L3MBTL4: variants seen among roughly 807,000 people sequenced by gnomAD.
The protein encoded by L3MBTL4 is L3MBTL histone methyl-lysine binding protein 4, also known as lethal(3)malignant brain tumor-like protein 4.
In L3MBTL4, 70 loss-of-function variants were observed where a neutral mutation model predicts 84.5. That is an observed-to-expected ratio of 0.83 (90% confidence interval 0.68 to 1.01). The LOEUF is 1.01. Among genes scored for constraint, L3MBTL4 ranks in the 50% least tolerant of loss-of-function variants. The probability of loss-of-function intolerance (pLI) is 0.00; values close to 1 mark genes in which losing one functional copy is unlikely to be tolerated. For synonymous variants in L3MBTL4, 274 were observed against 259.8 expected (o/e 1.05, Z -0.52); for missense variants, 715 against 754.8 (o/e 0.95, Z 0.62).
In L3MBTL4 at chr18:5,954,900, T is replaced by C. The variant is rs185920840; in HGVS notation, c.*1320A>G. 1 of 152,180 alleles carries C rather than the reference T, an allele frequency of 6.6e-6. No homozygotes were observed. The highest frequency in any genetic ancestry group is 1.5e-5 in the Non-Finnish European group (1 of 68,034). 9.4% of individuals were successfully genotyped at this position (152,180 alleles called of 1,614,324 possible). ...TAGGTAAAGATCTAAAGAAATGTTA[T>C]ATATGCACACCTCTTAGAGTTTGTT... On this transcript the variant is annotated 3_prime_UTR_variant, in exon 19 of 19. Coordinates refer to ENST00000317931, the MANE Select transcript of L3MBTL4 (RefSeq NM_001330559.2).
At chr18:6,351,035 T>A (rs894272965) in intron 1 of L3MBTL4, among the ~76,000 whole-genome samples, 2 of 152,022 alleles carry the variant, frequency 1.3e-5, no homozygotes, top group African/African-American at 4.8e-5. Context: ...CTCCTAAAAA[T>A]ATTTTTAAAA....
Position 5,955,148 on chromosome 18 carries a change from A to C in L3MBTL4, c.*1072T>G, listed in dbSNP as rs1428886794. The C allele has an allele frequency of 6.6e-6, 1 of 152,218 alleles. No individual in the cohort carries two copies. The highest frequency in any genetic ancestry group is 1.9e-4 in the East Asian group (1 of 5,198). The allele number at this position is 152,218 out of a possible 1,614,324, so 9.4% of individuals were successfully genotyped here. A position where few individuals can be genotyped will look rare whatever the true frequency, so the allele number is the denominator to read the frequency against. On this transcript the variant is annotated 3_prime_UTR_variant, in exon 19 of 19. Coordinates refer to ENST00000317931, the MANE Select transcript of L3MBTL4 (RefSeq NM_001330559.2). ...AGAAAAGAGGTACTTGTCTTTCAAC[A>C]CTGTGGGACTGATTCCACACAACTT...
intron 16 of L3MBTL4, among the ~76,000 whole-genome samples, chr18:6,018,911 C>T (rs928733920): frequency 1.3e-5 from 2 of 152,296 alleles, no homozygotes; most frequent in Non-Finnish European, 2.9e-5. Context: ...GGACCCCAAA[C>T]TAACTGAAAT....
intron 14 of L3MBTL4, among the ~76,000 whole-genome samples, chr18:6,099,585 A>AATATATATATATATATAGATATATATAT (rs2058744736): frequency 1.5e-5 from 1 of 64,700 alleles, no homozygotes. Flanking sequence ...AGATAATGTA[A>AATATATATATATATATAGATATATATAT]ATATATATAT....
chr18:5,969,336 G>T (rs1326557015), intron 17 of L3MBTL4, 57 bp downstream of exon 17: 18 of 1,588,340 alleles, frequency 1.1e-5, no homozygotes, highest in East Asian at 1.1e-4. Flanking sequence ...GGCACCTTCC[G>T]CCTATTTCTC....
intron 12 of L3MBTL4, among the ~76,000 whole-genome samples, chr18:6,180,952 A>G (rs1328185055): frequency 6.6e-6 from 1 of 152,220 alleles, no homozygotes; most frequent in Non-Finnish European, 1.5e-5. Context: ...CACCAAAAGG[A>G]ACGACGTTCT....
chr18:6,166,639 A>T (rs2043673578), intron 13 of L3MBTL4, among the ~76,000 whole-genome samples: 1 of 152,244 alleles, frequency 6.6e-6, no homozygotes, highest in South Asian at 2.1e-4. Context: ...ACGAGAACAA[A>T]GACACAACAT....
intron 16 of L3MBTL4, among the ~76,000 whole-genome samples, chr18:6,075,943 C>T (rs569392085): frequency 6.6e-6 from 1 of 152,276 alleles, no homozygotes; most frequent in Non-Finnish European, 1.5e-5. Context: ...AAATTAAATA[C>T]CACTGTAAGC....
chr18:5,986,479 T>C (rs186709652), intron 16 of L3MBTL4, among the ~76,000 whole-genome samples: 27 of 152,374 alleles, frequency 1.8e-4, no homozygotes, highest in Admixed American at 1.4e-3. Flanking sequence ...GATGAGGTCA[T>C]CTTTAATAAA....
intron 15 of L3MBTL4, among the ~76,000 whole-genome samples, chr18:6,085,714 T>C (rs551580439): frequency 6.6e-6 from 1 of 152,358 alleles, no homozygotes; most frequent in Non-Finnish European, 1.5e-5. Context: ...TCTCCAGCCA[T>C]GCTGGACTGT....
intron 16 of L3MBTL4, among the ~76,000 whole-genome samples, chr18:5,971,839 G>A (rs963499688): frequency 6.6e-6 from 1 of 152,162 alleles, no homozygotes; most frequent in Admixed American, 6.6e-5. Context: ...TGACAGATGG[G>A]GAATTCAGTT....
intron 13 of L3MBTL4, among the ~76,000 whole-genome samples, chr18:6,163,556 C>T (rs2043474256): frequency 6.6e-6 from 1 of 152,058 alleles, no homozygotes; most frequent in South Asian, 2.1e-4. Flanking sequence ...TCATAACCAA[C>T]CAAAGACAGC....
At chr18:5,995,365 A>G (rs1416423921) in intron 16 of L3MBTL4, among the ~76,000 whole-genome samples, 1 of 152,242 alleles carries the variant, frequency 6.6e-6, no homozygotes, top group Non-Finnish European at 1.5e-5. Flanking sequence ...GCCGGGGGCC[A>G]AAGCCTGAAC....
chr18:6,339,022 C>T (rs2052479028), intron 1 of L3MBTL4, among the ~76,000 whole-genome samples: 1 of 152,050 alleles, frequency 6.6e-6, no homozygotes, highest in South Asian at 2.1e-4. Context: ...AAATTGACTG[C>T]TAAAGGGAGA....
intron 16 of L3MBTL4, among the ~76,000 whole-genome samples, chr18:6,046,981 A>T (rs1485419006): frequency 6.6e-6 from 1 of 152,200 alleles, no homozygotes; most frequent in South Asian, 2.1e-4. Context: ...ATTTGAACAG[A>T]TAAACAAGAT....
At chr18:6,283,168 T>C (rs1443779015) in intron 4 of L3MBTL4, among the ~76,000 whole-genome samples, 1 of 152,236 alleles carries the variant, frequency 6.6e-6, no homozygotes. Flanking sequence ...ATATATCTGT[T>C]AAATCTGTTC....
At chr18:6,018,301 C>A (rs907213719) in intron 16 of L3MBTL4, among the ~76,000 whole-genome samples, 1 of 152,052 alleles carries the variant, frequency 6.6e-6, no homozygotes, top group African/African-American at 2.4e-5. Flanking sequence ...AAAAATATAC[C>A]AACACTTGGC....
chr18:6,257,075 G>C (rs948991742), intron 5 of L3MBTL4, among the ~76,000 whole-genome samples: 1 of 152,162 alleles, frequency 6.6e-6, no homozygotes, highest in Non-Finnish European at 1.5e-5. Context: ...ACTGTAGTAC[G>C]CTGGACACTT....
At chr18:6,212,979 C>T (rs2046171859) in intron 12 of L3MBTL4, among the ~76,000 whole-genome samples, 170 bp downstream of exon 12, 1 of 152,204 alleles carries the variant, frequency 6.6e-6, no homozygotes, top group Admixed American at 6.5e-5. Context: ...CTAGTCCCAT[C>T]TTGGCCAGGG....
Sources: allele counts gnomAD v4.1 joint callset (sites outside exome capture counted in the v4.1 genomes callset), GRCh38; gene constraint gnomAD v4.1.1; transcripts MANE v1.5; gene names NCBI Gene and HGNC (gene_info 2026-07-23, HGNC 2026-07-21).